PCDHGB5: variants seen among roughly 807,000 people sequenced by gnomAD.
PCDHGB5 encodes the protein protocadherin gamma subfamily B, 5, also known as protocadherin gamma-B5.
Under a neutral mutation model 62.9 loss-of-function variants are expected in PCDHGB5, and 48 were observed. That is an observed-to-expected ratio of 0.76 (90% CI 0.61 to 0.97). The LOEUF is 0.97. Ranked by LOEUF, PCDHGB5 falls within the 50% of genes least tolerant of loss-of-function variation. PCDHGB5 has a pLI of 0.00. For synonymous variants in PCDHGB5, 474 were observed against 511.2 expected (o/e 0.93, Z 0.98); for missense variants, 1,118 against 1,198.6 (o/e 0.93, Z 0.99).
At chr5:141,509,081 A>G (rs1279221589) in intron 3 of PCDHGB5, among the ~76,000 whole-genome samples, 1 of 152,160 alleles carries the variant, frequency 6.6e-6, no homozygotes, top group African/African-American at 2.4e-5. Flanking sequence ...GATTTGCGAC[A>G]TGAAATGGGG....
At chr5:141,450,008 T>C (rs78952430) in intron 1 of PCDHGB5, among the ~76,000 whole-genome samples, 2 of 37,390 alleles carry the variant, frequency 5.3e-5, no homozygotes, top group African/African-American at 6.8e-4. Flanking sequence ...CCATGTCTCT[T>C]TTTTTTTTTT....
intron 1 of PCDHGB5, chr5:141,404,926 C>CA (rs765817542): frequency 1.2e-6 from 2 of 1,613,884 alleles, no homozygotes; most frequent in Non-Finnish European, 1.7e-6. Context: ...CGGCCACTGT[C>CA]ACGCTCACAG....
chr5:141,404,043 C>G (rs781644500), intron 1 of PCDHGB5: 1 of 1,613,726 alleles, frequency 6.2e-7, no homozygotes, highest in African/African-American at 1.3e-5. Flanking sequence ...CCTCAGGGAA[C>G]AGTAATTCTT....
At position 141,400,259 on chromosome 5, in the gene PCDHGB5, T is replaced by A. The variant is rs2150848027; in HGVS notation, c.2132T>A (p.Leu711Gln). 1.2e-6 allele frequency: 2 copies of A among 1,614,016 alleles called. No individual in the cohort carries two copies. Among genetic ancestry groups the A allele is most frequent in the Non-Finnish European group, 1.7e-6 (2 of 1,179,892 alleles). ...GTGATTCTGGCCGTTGCCTTGCGCC[T>A]GCGACGCTCCTCCAGCCCTGCCGCC... is the stretch of plus-strand genomic sequence containing the variant. Reference protein sequence around the residue: ...LAVILAVALRLRRSSSPAAWS... With the variant: ...LAVILAVALRQRRSSSPAAWS... The change falls in exon 1 of 4, where the codon CTG (leucine) becomes CAG (glutamine). Residue 711 changes from leucine to glutamine, a missense_variant. By Grantham distance (113) the Leu-to-Gln change is moderately radical (BLOSUM62 -2). This residue lies in a region of PCDHGB5 where 1,034 missense variants were observed against 1,029.1 expected (regional missense o/e 1.00). Coordinates refer to ENST00000617380, the MANE Select transcript of PCDHGB5 (RefSeq NM_018925.3).
chr5:141,457,127 C>G (rs2098910262), intron 1 of PCDHGB5, among the ~76,000 whole-genome samples: 1 of 152,200 alleles, frequency 6.6e-6, no homozygotes, highest in Admixed American at 6.5e-5. Flanking sequence ...AATGGAAACT[C>G]TGTCCAATAT....
chr5:141,442,818 C>A (rs553817796), intron 1 of PCDHGB5, among the ~76,000 whole-genome samples: 1 of 151,882 alleles, frequency 6.6e-6, no homozygotes, highest in Non-Finnish European at 1.5e-5. Context: ...TGTACTGATC[C>A]AAAAATAAGG....
At chr5:141,409,546 C>G in intron 1 of PCDHGB5, 1 of 1,613,998 alleles carries the variant, frequency 6.2e-7, no homozygotes, top group Non-Finnish European at 8.5e-7. Flanking sequence ...TCAACGACAA[C>G]GCCCCAGTTT....
intron 1 of PCDHGB5, chr5:141,417,544 C>A: frequency 3.2e-6 from 1 of 308,860 alleles, no homozygotes; most frequent in Non-Finnish European, 5.9e-6. Context: ...AAAAAAATTC[C>A]TTGAAAGAGG....
Position 141,476,934 on chromosome 5 carries a change from A to G in PCDHGB5, c.2398-17873A>G, listed in dbSNP as rs199685528. On this transcript the variant is annotated intron_variant, in intron 1 of 3. Transcript: ENST00000617380. The surrounding 1 kb of genome is among the most constrained non-coding windows in gnomAD (Gnocchi z 7.6). ...CAAGTCCTTGCAACGGATCTGGATG[A>G]AGGCCCCAACGGTGAAATTATTTAC... 255 of 1,614,164 alleles carry G rather than the reference A, an allele frequency of 1.6e-4. 3 individuals carry two copies. In the South Asian group the frequency reaches 2.6e-3, roughly 16 times the overall value.
At chr5:141,483,240 T>C (rs2099578643) in intron 1 of PCDHGB5, among the ~76,000 whole-genome samples, 2 of 151,742 alleles carry the variant, frequency 1.3e-5, no homozygotes, top group Non-Finnish European at 1.5e-5. Flanking sequence ...TGAACTGATA[T>C]GCATATATCA....
intron 1 of PCDHGB5, chr5:141,409,250 A>G: frequency 6.2e-7 from 1 of 1,614,024 alleles, no homozygotes; most frequent in Non-Finnish European, 8.5e-7. Flanking sequence ...AATAATCATC[A>G]CTTCTCTCTC....
chr5:141,453,201 C>T (rs115660512), intron 1 of PCDHGB5, among the ~76,000 whole-genome samples: 2,052 of 152,204 alleles, frequency 0.013, 46 homozygotes, highest in African/African-American at 0.048. Flanking sequence ...GCAGCCTCAA[C>T]CTCGTGCACT....
chr5:141,408,144 G>T (rs868032463), intron 1 of PCDHGB5: 1 of 1,496,068 alleles, frequency 6.7e-7, no homozygotes, highest in South Asian at 1.3e-5. Context: ...CTTTTAGCGC[G>T]GTAGAGTGCA....
rs1458508114 is a variant in PCDHGB5, at chr5:141,489,523, C to T, written c.2398-5284C>T. ...GAATCAAAAGATTGACCGAGAAAGC[C>T]TATGTGGAGCCAGCACCAGCTGCCT... On this transcript the variant is annotated intron_variant, in intron 1 of 3. Transcript: ENST00000617380. This position sits in a 1 kb window ranked among gnomAD's most constrained non-coding sequence, Gnocchi z 4.5. The T allele has an allele frequency of 3.5e-5, 56 of 1,614,006 alleles. No homozygotes were observed. The highest frequency in any genetic ancestry group is 4.5e-5 in the Non-Finnish European group (53 of 1,180,044).
In PCDHGB5 at chr5:141,408,093, G is replaced by C. The variant is rs533105778; in HGVS notation, c.2397+7569G>C. On this transcript the variant is annotated intron_variant, in intron 1 of 3. Transcript: ENST00000617380. ...CCTTTCCCAGCACAGCGGATTGCCA[G>C]CTCCGAGACCCGGGACTCCTCCTGT... The C allele has an allele frequency of 7.0e-6, 10 of 1,429,954 alleles. No homozygotes were observed. In the Admixed American group the frequency reaches 1.4e-4, roughly 20 times the overall value. 88.6% of individuals were successfully genotyped at this position (1,429,954 alleles called of 1,614,324 possible).
chr5:141,408,240 C>T (rs1012868761), intron 1 of PCDHGB5: 89 of 1,578,820 alleles, frequency 5.6e-5, no homozygotes, highest in Non-Finnish European at 7.3e-5. Context: ...CGGGCCGGCC[C>T]GCGGCAGGTG....
At chr5:141,478,755 A>G in intron 1 of PCDHGB5, 1 of 1,519,784 alleles carries the variant, frequency 6.6e-7, no homozygotes, top group South Asian at 1.3e-5. Flanking sequence ...TTCAGGGGGA[A>G]GATACTTGAC....
At chr5:141,505,143 CAG>C (rs1332770308) in intron 2 of PCDHGB5, among the ~76,000 whole-genome samples, 1 of 152,172 alleles carries the variant, frequency 6.6e-6, no homozygotes, top group Non-Finnish European at 1.5e-5. Context: ...GCCTGGATGA[CAG>C]AGTAAGACCC....
chr5:141,399,685 C>G lies in PCDHGB5; in HGVS notation c.1558C>G (p.Gln520Glu), dbSNP rs1344845350. 1 of 1,613,532 alleles carries G rather than the reference C, an allele frequency of 6.2e-7. No homozygotes were observed. The highest frequency in any genetic ancestry group is 1.3e-5 in the African/African-American group (1 of 75,070). The change falls in exon 1 of 4, where the codon CAG becomes GAG. Residue 520 changes from glutamine to glutamate, a missense_variant. By Grantham distance (29) the Gln-to-Glu change is conservative. Coordinates refer to ENST00000617380, the MANE Select transcript of PCDHGB5 (RefSeq NM_018925.3). Reference protein sequence around the residue: ...VFAQRAFDYEQLRTFELTLQA... With the variant: ...VFAQRAFDYEELRTFELTLQA... ...CGCGCAGCGCGCCTTTGACTACGAG[C>G]AGCTGCGCACCTTCGAACTCACACT...
Sources: gnomAD v4.1 joint callset for allele counts (sites outside exome capture counted in the v4.1 genomes callset) on GRCh38, gnomAD v4.1.1 for gene constraint, gnomAD v4.1.1 regional missense constraint, Gnocchi (gnomAD v3.1) non-coding constraint, MANE v1.5 for transcripts, NCBI Gene and HGNC (gene_info 2026-07-23, HGNC 2026-07-21) for gene names.